The following VPS53 variants were observed in gnomAD, a reference collection of about 807,000 sequenced individuals.
VPS53 encodes VPS53 subunit of GARP complex.
Under a neutral mutation model 107.0 loss-of-function variants are expected in VPS53, and 70 were observed. The ratio of observed to expected loss-of-function variants is 0.65; its 90% CI spans 0.54 to 0.80. The LOEUF is 0.80. VPS53 is among the 30% of genes least tolerant of loss of function. The pLI is 0.00. For missense variants in VPS53, 917 were observed against 1,049.4 expected (o/e 0.87, Z 1.74); for synonymous variants, 409 against 393.3 (o/e 1.04, Z -0.47).
intron 12 of VPS53, among the ~76,000 whole-genome samples, chr17:592,125 T>C (rs1487889270): frequency 3.3e-5 from 5 of 152,246 alleles, no homozygotes; most frequent in African/African-American, 1.2e-4. Context: ...GTTGAATTGA[T>C]CCCTTTACCA....
chr17:658,681 G>A (rs1158702134), intron 5 of VPS53, among the ~76,000 whole-genome samples: 1 of 138,972 alleles, frequency 7.2e-6, no homozygotes, highest in African/African-American at 2.7e-5. Flanking sequence ...ACATCCCACT[G>A]AAGTGAGACA....
chr17:569,065 G>A (rs1249185114), intron 13 of VPS53, among the ~76,000 whole-genome samples: 3 of 152,196 alleles, frequency 2.0e-5, no homozygotes, highest in African/African-American at 2.4e-5. Context: ...AATGCCTGGG[G>A]AAATGGACGA....
chr17:573,652 C>G (rs1208475771), intron 13 of VPS53, among the ~76,000 whole-genome samples: 1 of 152,204 alleles, frequency 6.6e-6, no homozygotes. Flanking sequence ...CTCTTCTCCT[C>G]CTCGCCACAA....
intron 17 of VPS53, among the ~76,000 whole-genome samples, chr17:541,116 T>C (rs1467200286): frequency 6.6e-6 from 1 of 152,192 alleles, no homozygotes; most frequent in Non-Finnish European, 1.5e-5. Context: ...TTCAGGCAAC[T>C]GAAGTCTCAT....
chr17:664,081 T>C (rs1393101739), intron 4 of VPS53, among the ~76,000 whole-genome samples: 1 of 151,892 alleles, frequency 6.6e-6, no homozygotes, highest in East Asian at 1.9e-4. Flanking sequence ...TGGAGTAAGA[T>C]GATTTTTTTT....
intron 4 of VPS53, among the ~76,000 whole-genome samples, chr17:688,556 T>C (rs1003782023): frequency 2.0e-5 from 3 of 152,198 alleles, no homozygotes; most frequent in African/African-American, 7.2e-5. Flanking sequence ...ACTACATTGT[T>C]AAACAGTTAA....
chr17:534,490 A>C (rs1909865112), intron 18 of VPS53, among the ~76,000 whole-genome samples: 1 of 152,198 alleles, frequency 6.6e-6, no homozygotes, highest in Admixed American at 6.5e-5. Context: ...ATCAGGAAGG[A>C]GAGTAAACAA....
chr17:693,182 A>G (rs895948284), intron 4 of VPS53, among the ~76,000 whole-genome samples: 1 of 152,180 alleles, frequency 6.6e-6, no homozygotes, highest in African/African-American at 2.4e-5. Flanking sequence ...GGCTGGGTAT[A>G]GCCTAGCAGC....
intron 6 of VPS53, among the ~76,000 whole-genome samples, chr17:655,438 T>C (rs556462745): frequency 2.0e-5 from 3 of 151,552 alleles, no homozygotes; most frequent in African/African-American, 4.9e-5. Context: ...AATATGGGCC[T>C]GTGTCACTCT....
chr17:623,525 G>A lies in VPS53; in HGVS notation c.1116+8C>T, dbSNP rs781103701. On this transcript the variant is annotated splice_region_variant and intron_variant, in intron 11 of 21. Coordinates refer to ENST00000437048, the MANE Select transcript of VPS53 (RefSeq NM_001128159.3). ...TTTCACGTGGCAGCTCCCTAGGGAA[G>A]GTCTTACCAGGGTCCCATCGGTCAG... 1 of 1,609,628 alleles carries A rather than the reference G, an allele frequency of 6.2e-7. No homozygotes were observed. The highest frequency in any genetic ancestry group is 8.5e-7 in the Non-Finnish European group (1 of 1,176,652).
At chr17:700,720 G>A (rs1003162814) in intron 2 of VPS53, among the ~76,000 whole-genome samples, 5 of 152,060 alleles carry the variant, frequency 3.3e-5, no homozygotes, top group African/African-American at 1.2e-4. Flanking sequence ...ACAAGAGGAG[G>A]TACAATTTTA....
intron 5 of VPS53, among the ~76,000 whole-genome samples, chr17:659,130 T>C (rs534630200): frequency 1.8e-4 from 28 of 152,160 alleles, no homozygotes; most frequent in Non-Finnish European, 3.1e-4. Flanking sequence ...AGGAGTGGTA[T>C]AATAAATTAG....
At chr17:699,866 G>T (rs1438763269) in intron 2 of VPS53, among the ~76,000 whole-genome samples, 1 of 152,234 alleles carries the variant, frequency 6.6e-6, no homozygotes, top group African/African-American at 2.4e-5. Flanking sequence ...GACACAAGGG[G>T]ACAGAGGATA....
At chr17:589,103 T>G in intron 12 of VPS53, among the ~76,000 whole-genome samples, 1 of 151,894 alleles carries the variant, frequency 6.6e-6, no homozygotes. Flanking sequence ...ATTTTTTTCT[T>G]CTTTTGAAGA....
At chr17:589,280 T>G (rs1967507030) in intron 12 of VPS53, among the ~76,000 whole-genome samples, 2 of 152,100 alleles carry the variant, frequency 1.3e-5, no homozygotes, top group Non-Finnish European at 2.9e-5. Context: ...TTATGTGTAC[T>G]TTCCCAACTA....
rs1253002004 is a variant in VPS53 at position 560,496 on chromosome 17, G to T, written c.1634C>A (p.Thr545Asn). Reference sequence around the variant, plus strand: ...ACAGATGAGGCAGAGCTCCTCCAGAGTGAACTTGGCTACTTCTGAGCCCTC... The same window carrying T: ...ACAGATGAGGCAGAGCTCCTCCAGATTGAACTTGGCTACTTCTGAGCCCTC... The part of the protein sequence containing the change: ...EKEGSEVAKF[T>N]LEELCLICNI... The change falls in exon 15 of 22, where the codon ACT (threonine) becomes AAT (asparagine). Residue 545 changes from threonine (T) to asparagine (N), a missense_variant. By Grantham distance (65) the Thr-to-Asn change is moderately conservative. Transcript: ENST00000437048. 2 of 1,613,560 alleles carry T rather than the reference G, an allele frequency of 1.2e-6. No individual in the cohort carries two copies. Among genetic ancestry groups the T allele is most frequent in the Non-Finnish European group, 1.7e-6 (2 of 1,180,042 alleles).
intron 19 of VPS53, among the ~76,000 whole-genome samples, chr17:529,408 A>G (rs1296872461): frequency 6.6e-6 from 1 of 151,822 alleles, no homozygotes; most frequent in Non-Finnish European, 1.5e-5. Context: ...TCACACACAC[A>G]CACACACACA....
rs567386391 is a variant in VPS53 at position 586,278 on chromosome 17, G to A, written c.1305C>T (p.Ser435=). The change falls in exon 13 of 22, where the codon TCC becomes TCT. Residue 435 remains serine (S), a synonymous_variant. Transcript: ENST00000437048. ...GAATGTTCCTCACTCACTTGTCTTG[G>A]GATTCGATATACACGTAGAGATGAG... The part of the protein sequence containing the change: ...FEPHLYVYIE[S]QDKNLGELID... 4.3e-6 allele frequency: 7 copies of A among 1,613,768 alleles called. No homozygotes were observed. The East Asian group carries it at 1.3e-4, about 31-fold the overall frequency.
chr17:574,211 T>C (rs1206801453), intron 13 of VPS53, among the ~76,000 whole-genome samples: 1 of 152,186 alleles, frequency 6.6e-6, no homozygotes, highest in Admixed American at 6.5e-5. Flanking sequence ...TGCTCCTTCC[T>C]TAGTGCTGCG....
Sources: gnomAD v4.1 joint callset for allele counts (sites outside exome capture counted in the v4.1 genomes callset) on GRCh38, gnomAD v4.1.1 for gene constraint, MANE v1.5 for transcripts, NCBI Gene and HGNC (gene_info 2026-07-23, HGNC 2026-07-21) for gene names.